The following CPXM2 variants were observed in gnomAD, a reference collection of about 807,000 sequenced individuals.
CPXM2 encodes inactive carboxypeptidase-like protein X2.
Under a neutral mutation model 86.1 loss-of-function variants are expected in CPXM2, and 66 were observed. The observed-to-expected ratio is 0.77, with a 90% CI of 0.63 to 0.94. CPXM2 has a LOEUF of 0.94. Ranked by LOEUF, CPXM2 falls within the 40% of genes least tolerant of loss-of-function variation. The pLI is 0.00. For synonymous variants in CPXM2, 388 were observed against 400.2 expected, an observed-to-expected ratio of 0.97 and a Z score of 0.36; for missense variants, 948 against 1,026.3, an observed-to-expected ratio of 0.92 and a Z score of 1.04.
intron 4 of CPXM2, among the ~76,000 whole-genome samples, chr10:123,823,640 G>C (rs984945431): frequency 2.0e-5 from 3 of 152,096 alleles, no homozygotes; most frequent in Non-Finnish European, 2.9e-5. Flanking sequence ...AGAAAATAAA[G>C]AGAGACAGAG....
intron 1 of CPXM2, among the ~76,000 whole-genome samples, chr10:123,883,746 G>C (rs908595512): frequency 6.6e-6 from 1 of 152,216 alleles, no homozygotes; most frequent in Non-Finnish European, 1.5e-5. Context: ...AGAGCAAGGA[G>C]GGGACAGAGC....
intron 4 of CPXM2, among the ~76,000 whole-genome samples, chr10:123,821,748 T>C (rs1158424414): frequency 6.6e-6 from 1 of 152,174 alleles, no homozygotes; most frequent in Non-Finnish European, 1.5e-5. Flanking sequence ...AGGCCAAGGA[T>C]GCTGCTAAAA....
At chr10:123,788,721 G>A (rs914433094) in intron 6 of CPXM2, among the ~76,000 whole-genome samples, 5 of 152,200 alleles carry the variant, frequency 3.3e-5, no homozygotes, top group African/African-American at 1.2e-4. Flanking sequence ...CAGGGAACCT[G>A]CTCTTCACTG....
intron 2 of CPXM2, among the ~76,000 whole-genome samples, chr10:123,915,556 A>AAAAAAT (rs1564821673): frequency 2.0e-5 from 3 of 151,766 alleles, no homozygotes; most frequent in East Asian, 3.9e-4. Flanking sequence ...AGATTGTCAA[A>AAAAAAT]AAAAATAAAA....
At chr10:123,882,708 G>T (rs1449194401) in intron 1 of CPXM2, among the ~76,000 whole-genome samples, 1 of 152,072 alleles carries the variant, frequency 6.6e-6, no homozygotes, top group Non-Finnish European at 1.5e-5. Flanking sequence ...GAGCCAGGCG[G>T]TCCCCCAGCA....
chr10:123,918,090 G>A (rs554791310), intron 2 of CPXM2, among the ~76,000 whole-genome samples: 23 of 152,324 alleles, frequency 1.5e-4, no homozygotes, highest in Admixed American at 1.5e-3. Flanking sequence ...ATTCCAATCA[G>A]AAGGAAGCCC....
chr10:123,938,571 G>A (rs11517441), intron 2 of CPXM2, among the ~76,000 whole-genome samples: 44,275 of 152,092 alleles, frequency 0.29, 6,737 homozygotes, highest in Middle Eastern at 0.37. Context: ...CCTGCACTCT[G>A]TCATGTGACC....
At chr10:123,751,101 A>G in intron 13 of CPXM2, 1 of 975,072 alleles carries the variant, frequency 1.0e-6, no homozygotes, top group East Asian at 1.1e-4. Flanking sequence ...ACTCTGGCCA[A>G]GAGATGGATG....
rs75073550 is a variant in CPXM2, at chr10:123,845,248, A to C, written c.514-2760T>G. 6.4e-3 allele frequency among the ~76,000 whole-genome samples: 971 copies of C among 152,168 alleles called. 7 individuals carry two copies. The highest frequency in any genetic ancestry group is 0.022 in the African/African-American group (929 of 41,496). ...CAGTAACCTCTGGGGGCATCAGCAC[A>C]CTAAAGAGTGACATGTTCCAGCTCC... On this transcript the variant is annotated intron_variant, in intron 3 of 13. Coordinates refer to ENST00000241305, the MANE Select transcript of CPXM2 (RefSeq NM_198148.3).
chr10:123,847,742 C>T (rs776459839), intron 3 of CPXM2, among the ~76,000 whole-genome samples: 6 of 152,152 alleles, frequency 3.9e-5, no homozygotes, highest in Non-Finnish European at 5.9e-5. Flanking sequence ...GTGACTGATA[C>T]AATGTCTACT....
intron 2 of CPXM2, among the ~76,000 whole-genome samples, chr10:123,867,594 T>C (rs1944816394): frequency 6.8e-6 from 1 of 146,560 alleles, no homozygotes; most frequent in Non-Finnish European, 1.5e-5. Flanking sequence ...AGTGCAATGG[T>C]GCGATTTTGC....
At chr10:123,781,461 C>G (rs188563924) in intron 6 of CPXM2, among the ~76,000 whole-genome samples, 1 of 152,320 alleles carries the variant, frequency 6.6e-6, no homozygotes, top group East Asian at 1.9e-4. Context: ...GGTGGCATCT[C>G]TGTCAGGAAG....
At chr10:123,902,318 G>A (rs1370293482) in intron 2 of CPXM2, among the ~76,000 whole-genome samples, 1 of 152,170 alleles carries the variant, frequency 6.6e-6, no homozygotes, top group Non-Finnish European at 1.5e-5. Flanking sequence ...CCTAGAGCAG[G>A]CTGACCTCAC....
intron 4 of CPXM2, among the ~76,000 whole-genome samples, chr10:123,806,979 C>T (rs569060661): frequency 1.1e-4 from 16 of 152,292 alleles, no homozygotes. Flanking sequence ...TAGCTGCAAC[C>T]CATGTGATAG....
At chr10:123,751,453 CTTTCCT>C (rs1846074397) in intron 13 of CPXM2, 2 of 960,618 alleles carry the variant, frequency 2.1e-6, no homozygotes, top group Non-Finnish European at 2.5e-6. Context: ...AGGTTTGCGT[CTTTCCT>C]TATAATTTCT....
At chr10:123,939,441 A>G (rs1369606411) in intron 2 of CPXM2, 1 of 152,148 alleles carries the variant, frequency 6.6e-6, no homozygotes, top group Non-Finnish European at 1.5e-5. Context: ...CTGGAGTTAG[A>G]TGGGGCTGGA....
chr10:123,834,601 C>T (rs961134130), intron 4 of CPXM2, among the ~76,000 whole-genome samples: 9 of 152,180 alleles, frequency 5.9e-5, no homozygotes, highest in African/African-American at 1.7e-4. Context: ...TGCTCCTGGG[C>T]TGGAGTGCCA....
At chr10:123,939,198 A>G (rs1945751033) in intron 2 of CPXM2, among the ~76,000 whole-genome samples, 1 of 152,188 alleles carries the variant, frequency 6.6e-6, no homozygotes, top group Non-Finnish European at 1.5e-5. Context: ...CAGAAGCAGT[A>G]CTGCCCCTTG....
intron 2 of CPXM2, among the ~76,000 whole-genome samples, chr10:123,925,363 A>T (rs1945614589): frequency 6.6e-6 from 1 of 151,436 alleles, no homozygotes; most frequent in African/African-American, 2.4e-5. Flanking sequence ...AATCTCACAC[A>T]CTTATTAATT....
Sources: gnomAD v4.1 joint callset for allele counts (sites outside exome capture counted in the v4.1 genomes callset) on GRCh38, gnomAD v4.1.1 for gene constraint, MANE v1.5 for transcripts, NCBI Gene and HGNC (gene_info 2026-07-23, HGNC 2026-07-21) for gene names.